RP1: variants seen among roughly 807,000 people sequenced by gnomAD.
RP1 encodes RP1 axonemal microtubule associated.
Under a neutral mutation model 14.8 loss-of-function variants are expected in RP1, and 16 were observed. The ratio of observed to expected loss-of-function variants is 1.08; its 90% CI spans 0.73 to 1.65. The LOEUF is 1.65. RP1 is among the 40% of genes most tolerant of loss of function. RP1 has a pLI of 0.00. For synonymous variants in RP1, 876 were observed against 883.6 expected (o/e 0.99, Z 0.15); for missense variants, 2,631 against 2,535.0 (o/e 1.04, Z -0.81).
At chr8:54,840,433 A>T (rs997562065) in intron 25 of RP1, among the ~76,000 whole-genome samples, 1 of 151,862 alleles carries the variant, frequency 6.6e-6, no homozygotes, top group Non-Finnish European at 1.5e-5. Context: ...TTGCATTTTT[A>T]GTAGAGATAG....
chr8:54,559,334 GTTTTC>G (rs1563931635), intron 1 of RP1: 2 of 152,100 alleles, frequency 1.3e-5, no homozygotes, highest in African/African-American at 4.8e-5. Flanking sequence ...AAATATATGT[GTTTTC>G]TTTTCTCCTT....
intron 15 of RP1, among the ~76,000 whole-genome samples, chr8:54,708,960 G>A (rs1272814502): frequency 6.6e-6 from 1 of 152,120 alleles, no homozygotes; most frequent in African/African-American, 2.4e-5. Context: ...TTAAAACACA[G>A]AAGTATTATC....
intron 1 of RP1, among the ~76,000 whole-genome samples, chr8:54,606,909 A>G (rs957646519): frequency 9.2e-5 from 14 of 151,424 alleles, no homozygotes; most frequent in Middle Eastern, 3.2e-3. Flanking sequence ...TCCTTTAAGG[A>G]CTTCTCTGTA....
chr8:54,771,463 A>C (rs1283910530), downstream of RP1, among the ~76,000 whole-genome samples: 3 of 152,100 alleles, frequency 2.0e-5, no homozygotes, highest in East Asian at 5.8e-4. Context: ...GATGTCAAAC[A>C]TGAAGTTGCA....
intron 12 of RP1, among the ~76,000 whole-genome samples, chr8:54,690,643 G>A (rs1563348776): frequency 6.6e-6 from 1 of 151,956 alleles, no homozygotes. Context: ...TAGGGGAATG[G>A]CTGCTGATTT....
At chr8:54,659,090 T>C (rs1409291421) in intron 6 of RP1, among the ~76,000 whole-genome samples, 1 of 152,166 alleles carries the variant, frequency 6.6e-6, no homozygotes, top group Non-Finnish European at 1.5e-5. Flanking sequence ...TGTTATTGTT[T>C]AGTTGAAGGA....
intron 24 of RP1, among the ~76,000 whole-genome samples, chr8:54,817,181 T>A (rs1811153785): frequency 1.3e-5 from 2 of 152,198 alleles, no homozygotes; most frequent in African/African-American, 4.8e-5. Context: ...TGCCCTATTT[T>A]ATTCATTGCT....
rs111593126 is a variant in RP1, at chr8:54,680,961, C to CAA, written c.1717+1039_1717+1040dup. On this transcript the variant is annotated intron_variant, in intron 12 of 22. Transcript: ENST00000636932. The stretch of plus-strand genomic sequence containing the variant: ...CGACAGAGCGAGACTCTGTCTCGGA[C>CAA]AAAAAAAAAAAACAAAAAAGAAAAG... Among the ~76,000 whole-genome samples, 316 of 122,228 alleles carry CAA rather than the reference C, an allele frequency of 2.6e-3. 3 individuals carry two copies. The highest frequency in any genetic ancestry group is 5.8e-3 in the South Asian group (23 of 3,940). The allele number at this position is 122,228 out of a possible 152,430, so 80.2% of individuals were successfully genotyped here. A position where few individuals can be genotyped will look rare whatever the true frequency, so the allele number is the denominator to read the frequency against.
At position 54,759,130 on chromosome 8, in the gene RP1, CTGTGTGTGTGTGTGTGTGTGTG is replaced by C. The variant is rs3077333; in HGVS notation, c.3248+78_3248+99del. On this transcript the variant is annotated intron_variant, in intron 22 of 22. Coordinates refer to the RP1 transcript ENST00000636932. ...AGAGTATGCTGCACTGTGGATGATG[CTGTGTGTGTGTGTGTGTGTGTG>C]TGTGTGTGTGTGTGTGTGTGTGTAT... 1.2e-4 allele frequency: 89 copies of C among 768,340 alleles called. 1 individual carries two copies. The highest frequency in any genetic ancestry group is 8.3e-4 in the Middle Eastern group (2 of 2,414). The allele number at this position is 768,340 out of a possible 1,614,324, so 47.6% of individuals were successfully genotyped here. A position where few individuals can be genotyped will look rare whatever the true frequency, so the allele number is the denominator to read the frequency against.
chr8:54,586,772 G>A (rs756058196), intron 1 of RP1, among the ~76,000 whole-genome samples: 7 of 152,146 alleles, frequency 4.6e-5, no homozygotes, highest in Admixed American at 1.3e-4. Flanking sequence ...GCATGGCTCC[G>A]TGGGCATAGG....
At chr8:54,614,247 C>G (rs1055647559), upstream of RP1, among the ~76,000 whole-genome samples, 1 of 152,202 alleles carries the variant, frequency 6.6e-6, no homozygotes, top group Non-Finnish European at 1.5e-5. Flanking sequence ...TCTGGCCACT[C>G]TAACAGCAGT....
At chr8:54,838,878 C>G (rs1194665312) in intron 25 of RP1, among the ~76,000 whole-genome samples, 1 of 152,084 alleles carries the variant, frequency 6.6e-6, no homozygotes, top group South Asian at 2.1e-4. Flanking sequence ...CCTCCCTTAG[C>G]CAAGAATGCC....
At position 54,704,064 on chromosome 8, in the gene RP1, A is replaced by ATTAT. The variant is rs1808093287; in HGVS notation, c.1999-2377_1999-2374dup. 2.0e-5 allele frequency among the ~76,000 whole-genome samples: 3 copies of ATTAT among 152,284 alleles called. No individual in the cohort carries two copies. In the South Asian group the frequency reaches 6.2e-4, roughly 32 times the overall value. ...AGCAATAAGGCTGTTTAAGTTTCTT[A>ATTAT]TTATTCATGTGTTCACTGGAGTAGC... On this transcript the variant is annotated intron_variant, in intron 14 of 22. Coordinates refer to the RP1 transcript ENST00000636932.
intron 27 of RP1, among the ~76,000 whole-genome samples, chr8:54,861,015 A>G (rs16920854): frequency 0.035 from 5,341 of 152,300 alleles, 311 homozygotes; most frequent in African/African-American, 0.12. Context: ...ACCCAGTTAA[A>G]GCAAGTGAAA....
At chr8:54,732,088 A>G (rs1294816584) in intron 17 of RP1, among the ~76,000 whole-genome samples, 1 of 152,088 alleles carries the variant, frequency 6.6e-6, no homozygotes, top group African/African-American at 2.4e-5. Context: ...CACACATAAT[A>G]TCTTGTGTTC....
At position 54,621,597 on chromosome 8, in the gene RP1, G is replaced by C; in HGVS notation, c.615+16G>C. ...CGGAAGGAGGGTGAGCGTTCTGGGG[G>C]CTCCTCGAGCCTGAGCTCATTTTGA... On this transcript the variant is annotated intron_variant, in intron 2 of 3. Transcript: ENST00000220676. The C allele has an allele frequency of 6.2e-7, 1 of 1,613,974 alleles. No homozygotes were observed. Among genetic ancestry groups the C allele is most frequent in the South Asian group, 1.1e-5 (1 of 91,070 alleles).
chr8:54,778,821 C>T (rs1439293648), intron 23 of RP1, among the ~76,000 whole-genome samples: 2 of 151,986 alleles, frequency 1.3e-5, no homozygotes, highest in East Asian at 3.9e-4. Context: ...GGGTCAGTGG[C>T]TACTTGGAGG....
chr8:54,794,980 C>A (rs1810547099), intron 24 of RP1, among the ~76,000 whole-genome samples: 1 of 151,890 alleles, frequency 6.6e-6, no homozygotes, highest in Admixed American at 6.6e-5. Flanking sequence ...CCAACATGTA[C>A]ACAAAAAGGT....
chr8:54,820,889 G>C (rs764378993), intron 24 of RP1, among the ~76,000 whole-genome samples: 1 of 152,142 alleles, frequency 6.6e-6, no homozygotes, highest in Non-Finnish European at 1.5e-5. Flanking sequence ...CCTCAGAAGA[G>C]TAAAAGAAGA....
Sources: gnomAD v4.1 joint callset for allele counts (sites outside exome capture counted in the v4.1 genomes callset) on GRCh38, gnomAD v4.1.1 for gene constraint, MANE v1.5 for transcripts, NCBI Gene and HGNC (gene_info 2026-07-23, HGNC 2026-07-21) for gene names.